ASPSCR1: variants seen among roughly 807,000 people sequenced by gnomAD.
The protein encoded by ASPSCR1 is ASPSCR1 tether for SLC2A4, UBX domain containing.
Under a neutral mutation model 68.9 loss-of-function variants are expected in ASPSCR1, and 55 were observed. That is an observed-to-expected ratio of 0.80 (90% CI 0.64 to 1.00). The LOEUF is 1.00. Among genes scored for constraint, ASPSCR1 ranks in the 50% least tolerant of loss-of-function variants. The pLI, the probability that ASPSCR1 is intolerant of heterozygous loss-of-function variation, is 0.00. For missense variants in ASPSCR1, 765 were observed against 762.2 expected, an observed-to-expected ratio of 1.00 and a Z score of -0.04; for synonymous variants, 352 against 332.6, an observed-to-expected ratio of 1.06 and a Z score of -0.63.
chr17:82,009,215 C>T (rs770171202), intron 8 of ASPSCR1, 24 bp downstream of exon 8: 6 of 1,579,118 alleles, frequency 3.8e-6, no homozygotes, highest in South Asian at 2.3e-5. Flanking sequence ...CAGTGCCTCC[C>T]GGCATCTTCG....
rs2042465705 is a variant in ASPSCR1, at chr17:81,999,701, C to T, written c.933+2855C>T. ...CACATGGCCCCGGCCTCGGCTGTCC[C>T]CTGGGCACTCGTGCTACGTGTCCCG... On this transcript the variant is annotated intron_variant, in intron 7 of 15. Transcript: ENST00000306739. This position sits in a 1 kb window ranked among gnomAD's most constrained non-coding sequence, Gnocchi z 4.4. Among the ~76,000 whole-genome samples the T allele has an allele frequency of 6.6e-6, 1 of 152,142 alleles. No individual in the cohort carries two copies. The highest frequency in any genetic ancestry group is 2.4e-5 in the African/African-American group (1 of 41,434).
chr17:82,012,669 G>A (rs2042991086), intron 12 of ASPSCR1, among the ~76,000 whole-genome samples: 1 of 152,172 alleles, frequency 6.6e-6, no homozygotes, highest in South Asian at 2.1e-4. Context: ...GAGGGACCAG[G>A]CCCTCAGCTG....
At chr17:82,003,197 G>A (rs1037114629) in intron 7 of ASPSCR1, among the ~76,000 whole-genome samples, 2 of 152,208 alleles carry the variant, frequency 1.3e-5, no homozygotes, top group East Asian at 3.9e-4. Flanking sequence ...TATAATCACA[G>A]CACTTCGGGA....
At chr17:82,015,711 C>T (rs528915094) in intron 12 of ASPSCR1, 80 of 312,216 alleles carry the variant, frequency 2.6e-4, no homozygotes, top group African/African-American at 1.4e-3. Context: ...CCGGTGGTGG[C>T]GGAGCATGCT....
chr17:82,006,567 C>T (rs914805301), intron 7 of ASPSCR1: 2 of 152,252 alleles, frequency 1.3e-5, no homozygotes, highest in East Asian at 3.9e-4. Flanking sequence ...CTCCTCCTCC[C>T]TGTGTTGGAG....
Position 81,983,903 on chromosome 17 carries a change from G to A in ASPSCR1, c.273+235G>A, listed in dbSNP as rs1053936818. Among the ~76,000 whole-genome samples the A allele has an allele frequency of 7.3e-5, 11 of 151,692 alleles. No homozygotes were observed. Among genetic ancestry groups the A allele is most frequent in the Non-Finnish European group, 1.5e-4 (10 of 67,920 alleles). ...GCTGGAGTCTCGCTCTGTCGCCCAG[G>A]CTGGAGCTCAGTGGCGCAGTCTCGG... On this transcript the variant is annotated intron_variant, in intron 3 of 15. Coordinates refer to ENST00000306739, the MANE Select transcript of ASPSCR1 (RefSeq NM_024083.4). This position sits in a 1 kb window ranked among gnomAD's most constrained non-coding sequence, Gnocchi z 4.4.
In ASPSCR1 at chr17:81,977,853, C is replaced by A. The variant is rs1598377312; in HGVS notation, c.102+105C>A. On this transcript the variant is annotated intron_variant, in intron 1 of 15. Transcript: ENST00000306739. This position sits in a 1 kb window ranked among gnomAD's most constrained non-coding sequence, Gnocchi z 5.0. ...CCGGTGTTCGGGGGCGGGGCCTCGGCGGCCAATGAGCGGCCTCCTGAGCGG... is the reference window on the plus strand; with the variant it reads ...CCGGTGTTCGGGGGCGGGGCCTCGGAGGCCAATGAGCGGCCTCCTGAGCGG... The A allele has an allele frequency of 1.1e-6, 1 of 871,508 alleles. No individual in the cohort carries two copies. The highest frequency in any genetic ancestry group is 1.5e-6 in the Non-Finnish European group (1 of 673,696). 54.0% of individuals were successfully genotyped at this position (871,508 alleles called of 1,614,324 possible).
intron 10 of ASPSCR1, 42 bp from the exon 11 acceptor site, chr17:82,011,501 G>A (rs373453499): frequency 5.0e-5 from 77 of 1,553,588 alleles, no homozygotes; most frequent in African/African-American, 7.0e-5. Flanking sequence ...CGGGGCTGGC[G>A]TGGTGGAAGA....
rs764223425 is a variant in ASPSCR1, at chr17:82,017,084, G to C, written c.1619G>C (p.Gly540Ala). The change falls in exon 15 of 16, where the codon GGC becomes GCC. Residue 540 changes from glycine to alanine, a missense_variant. By Grantham distance (60) the Gly-to-Ala change is moderately conservative. Coordinates refer to ENST00000306739, the MANE Select transcript of ASPSCR1 (RefSeq NM_024083.4). ...GCCCAGCCCGTGAAGAGGAGCCTGG[G>C]CAAGGTGCCCAAGTGGCTGAAGCTG... ...GTAQPVKRSL[G>A]KVPKWLKLPA... 12 of 1,605,238 alleles carry C rather than the reference G, an allele frequency of 7.5e-6. No individual in the cohort carries two copies. Among genetic ancestry groups the C allele is most frequent in the Non-Finnish European group, 1.0e-5 (12 of 1,177,414 alleles).
chr17:81,995,567 G>T, intron 5 of ASPSCR1: 1 of 354,406 alleles, frequency 2.8e-6, no homozygotes. Context: ...TAGCGTATGG[G>T]ACGTGGCCAG....
At chr17:82,009,750 G>T (rs2042854218) in intron 9 of ASPSCR1, among the ~76,000 whole-genome samples, 183 bp downstream of exon 9, 1 of 150,706 alleles carries the variant, frequency 6.6e-6, no homozygotes, top group South Asian at 2.1e-4. Context: ...TCTGTGGATG[G>T]GACGTGGGGG....
chr17:82,006,759 C>T (rs1350491026), intron 7 of ASPSCR1: 1 of 152,352 alleles, frequency 6.6e-6, no homozygotes, highest in Admixed American at 6.5e-5. Context: ...TCTCATCCCT[C>T]AACCTCTGTT....
Position 82,010,873 on chromosome 17 carries a change from G to C in ASPSCR1, c.1237+5G>C. The stretch of plus-strand genomic sequence containing the variant: ...TCTTCCGCCCCAGCGAGACAGGTGG[G>C]CAGCGCTGTGGGGTGTCCGGGGATG... On this transcript the variant is annotated splice_donor_5th_base_variant and intron_variant, in intron 10 of 15. Transcript: ENST00000306739. 2 of 1,611,634 alleles carry C rather than the reference G, an allele frequency of 1.2e-6. No individual in the cohort carries two copies. Among genetic ancestry groups the C allele is most frequent in the South Asian group, 2.2e-5 (2 of 91,078 alleles).
chr17:81,979,332 G>A, intron 2 of ASPSCR1, 93 bp downstream of exon 2: 1 of 1,428,762 alleles, frequency 7.0e-7, no homozygotes, highest in Non-Finnish European at 9.8e-7. Flanking sequence ...GCCCCCAGGT[G>A]GTTTTAAACA....
intron 4 of ASPSCR1, among the ~76,000 whole-genome samples, chr17:81,992,621 C>T (rs1235750466): frequency 2.0e-5 from 3 of 152,108 alleles, no homozygotes; most frequent in Non-Finnish European, 4.4e-5. Flanking sequence ...GACCCTGGGC[C>T]CTCCCTGTCC....
Position 82,016,471 on chromosome 17 carries a change from T to G in ASPSCR1, c.1354-5T>G. On this transcript the variant is annotated splice_polypyrimidine_tract_variant and splice_region_variant and intron_variant, in intron 12 of 15. Coordinates refer to ENST00000306739, the MANE Select transcript of ASPSCR1 (RefSeq NM_024083.4). The stretch of plus-strand genomic sequence containing the variant: ...CGGCCCCTGAGCCCCCCGCCCTCCC[T>G]GCAGGCGAACCTCTTCCCGGCCGCT... 1 of 1,548,132 alleles carries G rather than the reference T, an allele frequency of 6.5e-7. No individual in the cohort carries two copies. Among genetic ancestry groups the G allele is most frequent in the Non-Finnish European group, 8.7e-7 (1 of 1,146,884 alleles).
At chr17:82,000,505 C>T (rs1241707771) in intron 7 of ASPSCR1, among the ~76,000 whole-genome samples, 1 of 152,158 alleles carries the variant, frequency 6.6e-6, no homozygotes, top group Non-Finnish European at 1.5e-5. Context: ...TGCTGGGTCC[C>T]TTTCAGTGAT....
At chr17:81,991,658 C>T (rs575369626) in intron 4 of ASPSCR1, among the ~76,000 whole-genome samples, 2 of 152,208 alleles carry the variant, frequency 1.3e-5, no homozygotes, top group Non-Finnish European at 2.9e-5. Flanking sequence ...TTGAGAAGGC[C>T]GGAGCCTGCC....
At chr17:82,012,052 C>A in intron 11 of ASPSCR1, 179 bp from the exon 12 acceptor site, 1 of 788,204 alleles carries the variant, frequency 1.3e-6, no homozygotes, top group South Asian at 1.5e-5. Flanking sequence ...CCCCCACCGG[C>A]CCTTCCGAGC....
Sources: gnomAD v4.1 joint callset for allele counts (sites outside exome capture counted in the v4.1 genomes callset) on GRCh38, gnomAD v4.1.1 for gene constraint, Gnocchi (gnomAD v3.1) non-coding constraint, MANE v1.5 for transcripts, NCBI Gene and HGNC (gene_info 2026-07-23, HGNC 2026-07-21) for gene names.